KHDRBS2: variants seen among roughly 807,000 people sequenced by gnomAD.
KHDRBS2 encodes KH domain-containing, RNA-binding, signal transduction-associated protein 2.
In KHDRBS2, 26 loss-of-function variants were observed where a neutral mutation model predicts 44.3. The ratio of observed to expected loss-of-function variants is 0.59; its 90% CI spans 0.43 to 0.81. KHDRBS2 has a LOEUF of 0.81. Ranked by LOEUF, KHDRBS2 falls within the 40% of genes least tolerant of loss-of-function variation. The pLI is 0.00. For missense variants in KHDRBS2, 476 were observed against 433.1 expected, an observed-to-expected ratio of 1.10 and a Z score of -0.88; for synonymous variants, 194 against 151.1, an observed-to-expected ratio of 1.28 and a Z score of -2.08.
intron 2 of KHDRBS2, among the ~76,000 whole-genome samples, chr6:62,048,200 A>T (rs1788168660): frequency 6.6e-6 from 1 of 151,326 alleles, no homozygotes; most frequent in Non-Finnish European, 1.5e-5. Context: ...CACTCATTTT[A>T]AAAGCTATAT....
chr6:62,136,993 C>CTTG (rs1163704735), intron 2 of KHDRBS2, among the ~76,000 whole-genome samples: 1 of 78,322 alleles, frequency 1.3e-5, no homozygotes, highest in Non-Finnish European at 2.3e-5. Context: ...TCTTTCTTTT[C>CTTG]TTTTTTTTTT....
chr6:61,740,551 C>A (rs1775995338), intron 6 of KHDRBS2, among the ~76,000 whole-genome samples: 3 of 152,006 alleles, frequency 2.0e-5, no homozygotes, highest in Middle Eastern at 6.8e-3. Context: ...GAGTAGGCTC[C>A]ATTTTCCCAC....
intron 4 of KHDRBS2, among the ~76,000 whole-genome samples, chr6:61,955,708 A>G (rs1184970354): frequency 1.7e-5 from 2 of 115,758 alleles, no homozygotes; most frequent in Admixed American, 8.3e-5. Flanking sequence ...GTATATATAC[A>G]CATATGTATG....
At chr6:62,212,372 A>G (rs1829209080) in intron 1 of KHDRBS2, among the ~76,000 whole-genome samples, 1 of 152,090 alleles carries the variant, frequency 6.6e-6, no homozygotes, top group Non-Finnish European at 1.5e-5. Context: ...GAGATATAAG[A>G]TTTAAGTATA....
chr6:61,993,675 T>TATATATATA (rs61137285), intron 3 of KHDRBS2, among the ~76,000 whole-genome samples: 7,071 of 73,956 alleles, frequency 0.096, 782 homozygotes, highest in Middle Eastern at 0.15. Context: ...ATATATATAT[T>TATATATATA]TTTTTTTTTT....
chr6:62,181,422 G>A (rs1022300609), intron 1 of KHDRBS2, among the ~76,000 whole-genome samples: 38 of 151,948 alleles, frequency 2.5e-4, no homozygotes, highest in African/African-American at 8.9e-4. Flanking sequence ...ATATGCAAAT[G>A]GACAATGGCA....
chr6:62,041,686 G>A (rs1279713817), intron 3 of KHDRBS2, among the ~76,000 whole-genome samples: 1 of 152,006 alleles, frequency 6.6e-6, no homozygotes, highest in African/African-American at 2.4e-5. Context: ...GTGTCATTAG[G>A]TCCCTGAAAG....
intron 6 of KHDRBS2, among the ~76,000 whole-genome samples, chr6:61,822,091 C>A (rs1247692112): frequency 6.6e-6 from 1 of 151,984 alleles, no homozygotes; most frequent in Admixed American, 6.6e-5. Context: ...CCATAGCCAT[C>A]TCTAGGGATA....
the KHDRBS2 span, among the ~76,000 whole-genome samples, chr6:61,655,321 T>TC: frequency 0.025 from 3,736 of 151,956 alleles, 71 homozygotes; most frequent in Middle Eastern, 0.082. Flanking sequence ...AGTGGTGCAA[T>TC]TTGGCTCCCT....
At chr6:62,200,515 C>T (rs1034308842) in intron 1 of KHDRBS2, among the ~76,000 whole-genome samples, 3 of 152,178 alleles carry the variant, frequency 2.0e-5, no homozygotes, top group Admixed American at 6.5e-5. Flanking sequence ...CAGAGAAATG[C>T]ACATCAAAAC....
chr6:61,795,186 G>C (rs1785161154), intron 6 of KHDRBS2, among the ~76,000 whole-genome samples: 1 of 140,332 alleles, frequency 7.1e-6, no homozygotes, highest in Admixed American at 7.1e-5. Context: ...ACATATTTTA[G>C]TTTTTCTACA....
At chr6:62,025,497 T>A (rs1463925067) in intron 3 of KHDRBS2, among the ~76,000 whole-genome samples, 9 of 151,872 alleles carry the variant, frequency 5.9e-5, no homozygotes, top group Non-Finnish European at 1.2e-4. Flanking sequence ...AAAAAGTGTA[T>A]CTCTATTTCA....
chr6:62,063,641 G>C (rs1446786612), intron 2 of KHDRBS2, among the ~76,000 whole-genome samples: 1 of 149,346 alleles, frequency 6.7e-6, no homozygotes, highest in East Asian at 2.0e-4. Flanking sequence ...AAAATAATAA[G>C]AGCTATCTAT....
chr6:61,974,756 C>A (rs1159041103), intron 4 of KHDRBS2, among the ~76,000 whole-genome samples: 2 of 151,532 alleles, frequency 1.3e-5, no homozygotes, highest in Admixed American at 6.6e-5. Flanking sequence ...TGTGGTGAAA[C>A]CTCATCTCTA....
chr6:61,601,192 T>C, the KHDRBS2 span, among the ~76,000 whole-genome samples: 1 of 151,848 alleles, frequency 6.6e-6, no homozygotes, highest in East Asian at 1.9e-4. Flanking sequence ...TACCCTCTCT[T>C]CTCTCCACTT....
At chr6:62,094,249 A>C (rs1480595378) in intron 2 of KHDRBS2, among the ~76,000 whole-genome samples, 1 of 151,842 alleles carries the variant, frequency 6.6e-6, no homozygotes, top group Non-Finnish European at 1.5e-5. Context: ...AGTAAGGGGT[A>C]TCTCATTTTA....
intron 2 of KHDRBS2, among the ~76,000 whole-genome samples, chr6:62,152,465 G>A (rs1178892398): frequency 6.6e-6 from 1 of 152,144 alleles, no homozygotes; most frequent in Non-Finnish European, 1.5e-5. Flanking sequence ...AGACAAATGG[G>A]ATTGATAATC....
chr6:62,094,003 T>C (rs1328349256), intron 2 of KHDRBS2, among the ~76,000 whole-genome samples: 3 of 151,890 alleles, frequency 2.0e-5, no homozygotes, highest in African/African-American at 7.2e-5. Context: ...TGCAGATATC[T>C]TTTTGACATA....
intron 6 of KHDRBS2, among the ~76,000 whole-genome samples, chr6:61,764,937 T>A (rs1274448878): frequency 2.1e-5 from 3 of 139,644 alleles, no homozygotes; most frequent in South Asian, 2.3e-4. Flanking sequence ...TTGTACTTTT[T>A]AAAAAAAATC....
Sources: gnomAD v4.1 joint callset for allele counts (sites outside exome capture counted in the v4.1 genomes callset) on GRCh38, gnomAD v4.1.1 for gene constraint, MANE v1.5 for transcripts, NCBI Gene and HGNC (gene_info 2026-07-23, HGNC 2026-07-21) for gene names.